The following FAM149B1 variants were observed in gnomAD, a reference collection of about 807,000 sequenced individuals.
The protein encoded by FAM149B1 is primary cilium assembly protein FAM149B1.
A neutral mutation model predicts 75.3 loss-of-function variants in FAM149B1; 56 were observed. That is an observed-to-expected ratio of 0.74 (90% CI 0.60 to 0.93). FAM149B1 has a LOEUF of 0.93. FAM149B1 is among the 40% of genes least tolerant of loss of function. The pLI is 0.00. For missense variants in FAM149B1, 639 were observed against 708.4 expected (o/e 0.90, Z 1.11); for synonymous variants, 259 against 256.1 (o/e 1.01, Z -0.11).
In FAM149B1 at chr10:73,199,998, C is replaced by T. The variant is rs551218813; in HGVS notation, c.542+6405C>T. On this transcript the variant is annotated intron_variant, in intron 5 of 13. Transcript: ENST00000242505. ...TATGCTTATGATTTCAGAAGCCTTC[C>T]GCTATTCAGCAGAGAACTATTATTC... is the stretch of plus-strand genomic sequence containing the variant. 18 of 201,614 alleles carry T rather than the reference C, an allele frequency of 8.9e-5. No homozygotes were observed. In the South Asian group the frequency reaches 9.3e-4, roughly 10 times the overall value. 12.5% of individuals were successfully genotyped at this position (201,614 alleles called of 1,614,324 possible).
chr10:73,236,097 T>A (rs2133411719), intron 12 of FAM149B1, among the ~76,000 whole-genome samples: 1 of 152,308 alleles, frequency 6.6e-6, no homozygotes, highest in East Asian at 1.9e-4. Context: ...TCCCAACTCA[T>A]GACCCTTGAA....
intron 8 of FAM149B1, among the ~76,000 whole-genome samples, chr10:73,229,523 T>C (rs7077059): frequency 0.11 from 16,039 of 152,176 alleles, 1,226 homozygotes; most frequent in East Asian, 0.31. Flanking sequence ...AGCAGTGGGC[T>C]GAGATTACGC....
chr10:73,212,313 T>C (rs746928934), intron 7 of FAM149B1, among the ~76,000 whole-genome samples: 12 of 152,160 alleles, frequency 7.9e-5, no homozygotes, highest in Non-Finnish European at 1.8e-4. Context: ...AGAGTTTCAC[T>C]CTTGTCACCC....
chr10:73,185,940 T>TA (rs1465269817), intron 3 of FAM149B1, among the ~76,000 whole-genome samples: 2 of 152,164 alleles, frequency 1.3e-5, no homozygotes, highest in African/African-American at 4.8e-5. Flanking sequence ...AGTTCCTACC[T>TA]AACTCATTCT....
chr10:73,223,858 T>C (rs866906998), intron 7 of FAM149B1, among the ~76,000 whole-genome samples: 1 of 151,980 alleles, frequency 6.6e-6, no homozygotes, highest in Non-Finnish European at 1.5e-5. Flanking sequence ...AAGTCCAGAG[T>C]CATACCCAGA....
At chr10:73,173,415 C>A (rs961983345) in intron 1 of FAM149B1, among the ~76,000 whole-genome samples, 17 of 147,214 alleles carry the variant, frequency 1.2e-4, no homozygotes, top group Non-Finnish European at 2.5e-4. Context: ...ACTGCAAATA[C>A]GACTATAAAT....
At chr10:73,239,263 C>CT (rs2043890433) in intron 12 of FAM149B1, 49 bp from the exon 13 acceptor site, 1 of 1,453,016 alleles carries the variant, frequency 6.9e-7, no homozygotes, top group Non-Finnish European at 9.4e-7. Flanking sequence ...AAATATTATC[C>CT]TTTGTGAGAA....
intron 7 of FAM149B1, among the ~76,000 whole-genome samples, chr10:73,224,813 G>A (rs570290498): frequency 6.6e-6 from 1 of 152,188 alleles, no homozygotes; most frequent in East Asian, 1.9e-4. Context: ...ACAGGTATGG[G>A]GTTTCTTTTT....
At position 73,233,132 on chromosome 10, in the gene FAM149B1, T is replaced by A. The variant is rs1202032588; in HGVS notation, c.1321T>A (p.Ser441Thr). ...CCATTCATGTGCTGAAACACCAAGATCTGTGGAAGAAATCCTCAGAGGAGC... is the reference window on the plus strand; with the variant it reads ...CCATTCATGTGCTGAAACACCAAGAACTGTGGAAGAAATCCTCAGAGGAGC... ...TSHSCAETPR[S>T]VEEILRGARV... Residue 441 changes from serine (S) to threonine (T), a missense_variant, in exon 10 of 14, where the codon TCT (serine) becomes ACT (threonine). Transcript: ENST00000242505. The A allele has an allele frequency of 1.9e-6, 3 of 1,551,720 alleles. No homozygotes were observed. The highest frequency in any genetic ancestry group is 2.6e-6 in the Non-Finnish European group (3 of 1,146,996).
Position 73,193,571 on chromosome 10 carries a change from T to C in FAM149B1, c.520T>C (p.Ser174Pro), listed in dbSNP as rs1306795719. ...AVSASYETTLSQERDSTIFGI... is the reference protein window; with the variant it reads ...AVSASYETTLPQERDSTIFGI... The stretch of plus-strand genomic sequence containing the variant: ...TTCCGCTTCATATGAAACAACCTTG[T>C]CTCAAGAAAGAGATTCTACTATGTG... Residue 174 changes from serine to proline, a missense_variant, in exon 5 of 14, where the codon TCT becomes CCT. Coordinates refer to ENST00000242505, the MANE Select transcript of FAM149B1 (RefSeq NM_173348.2). The C allele has an allele frequency of 6.4e-7, 1 of 1,551,112 alleles. No individual in the cohort carries two copies. The highest frequency in any genetic ancestry group is 2.0e-5 in the Admixed American group (1 of 50,986).
At chr10:73,226,877 C>T (rs2043565285) in intron 7 of FAM149B1, among the ~76,000 whole-genome samples, 1 of 152,142 alleles carries the variant, frequency 6.6e-6, no homozygotes, top group Non-Finnish European at 1.5e-5. Flanking sequence ...ATTATTAGAG[C>T]AACTTTCCCA....
At chr10:73,171,076 C>G (rs1843691678) in intron 1 of FAM149B1, among the ~76,000 whole-genome samples, 1 of 151,716 alleles carries the variant, frequency 6.6e-6, no homozygotes, top group Non-Finnish European at 1.5e-5. Context: ...TCAAGTGATT[C>G]TTCCACCTCA....
Position 73,199,197 on chromosome 10 carries a change from T to TTTGTTGTTGTTG in FAM149B1, c.542+5632_542+5643dup, listed in dbSNP as rs3998310. On this transcript the variant is annotated intron_variant, in intron 5 of 13. Coordinates refer to ENST00000242505, the MANE Select transcript of FAM149B1 (RefSeq NM_173348.2). ...TTAGGTAAGATAACTGTTATCCTTTTTTGTTGTTGTTGTTGTTGTTGTTGT... is the reference window on the plus strand; with the variant it reads ...TTAGGTAAGATAACTGTTATCCTTTTTTGTTGTTGTTGTTGTTGTTGTTGTTGTTGTTGTTGT... 3.5e-3 allele frequency among the ~76,000 whole-genome samples: 520 copies of TTTGTTGTTGTTG among 146,556 alleles called. 2 individuals carry two copies. The highest frequency in any genetic ancestry group is 4.5e-3 in the African/African-American group (178 of 39,810).
At chr10:73,221,483 C>G (rs1176788090) in intron 7 of FAM149B1, among the ~76,000 whole-genome samples, 1 of 152,124 alleles carries the variant, frequency 6.6e-6, no homozygotes, top group African/African-American at 2.4e-5. Flanking sequence ...TTTCTTCTCG[C>G]TTGCATTGTT....
rs375543253 is a variant in FAM149B1 at position 73,197,114 on chromosome 10, C to A, written c.542+3521C>A. Reference sequence around the variant, plus strand: ...GACCTCCTGGGCTCAAGCAATCCTCCCGCCTCAGCCTCCTGAGTAGCTGGG... The same window carrying A: ...GACCTCCTGGGCTCAAGCAATCCTCACGCCTCAGCCTCCTGAGTAGCTGGG... On this transcript the variant is annotated intron_variant, in intron 5 of 13. Coordinates refer to ENST00000242505, the MANE Select transcript of FAM149B1 (RefSeq NM_173348.2). 2.5e-4 allele frequency among the ~76,000 whole-genome samples: 38 copies of A among 152,278 alleles called. No homozygotes were observed. In the East Asian group the frequency reaches 6.2e-3, roughly 25 times the overall value.
chr10:73,185,115 G>C (rs932836867), intron 3 of FAM149B1, among the ~76,000 whole-genome samples: 1 of 152,096 alleles, frequency 6.6e-6, no homozygotes, highest in Non-Finnish European at 1.5e-5. Context: ...AGATAACTTA[G>C]ATGTAATGGA....
chr10:73,178,351 T>TGTG (rs2133306244), intron 3 of FAM149B1, among the ~76,000 whole-genome samples: 1 of 151,840 alleles, frequency 6.6e-6, no homozygotes, highest in South Asian at 2.1e-4. Flanking sequence ...ATTAGCCGGG[T>TGTG]GTGGTGGTGC....
In FAM149B1 at chr10:73,234,861, T is replaced by C; in HGVS notation, c.1397T>C (p.Leu466Pro). 1.3e-6 allele frequency: 2 copies of C among 1,551,496 alleles called. No homozygotes were observed. The highest frequency in any genetic ancestry group is 2.4e-5 in the South Asian group (2 of 84,064). Residue 466 changes from leucine (L) to proline (P), a missense_variant, in exon 11 of 14, where the codon CTG becomes CCG. Leu to Pro is a moderately conservative substitution (Grantham distance 98). Coordinates refer to ENST00000242505, the MANE Select transcript of FAM149B1 (RefSeq NM_173348.2). ...CTCTCCTCTCCCTCACCGACGCCCC[T>C]GAGTCGAAATAATCTGCTACCACCT... is the stretch of plus-strand genomic sequence containing the variant. ...DSLSSPSPTP[L>P]SRNNLLPPIG...
chr10:73,195,666 A>G (rs539163906), intron 5 of FAM149B1, among the ~76,000 whole-genome samples: 52 of 152,314 alleles, frequency 3.4e-4, no homozygotes, highest in Admixed American at 3.2e-3. Flanking sequence ...ACATCTGACT[A>G]TATCACCATT....
Sources: allele counts gnomAD v4.1 joint callset (sites outside exome capture counted in the v4.1 genomes callset), GRCh38; gene constraint gnomAD v4.1.1; transcripts MANE v1.5; gene names NCBI Gene and HGNC (gene_info 2026-07-23, HGNC 2026-07-21).